Variants in SLC35D4 observed in about 807,000 individuals in gnomAD.
SLC35D4 encodes the protein UDP-N-acetylglucosamine transporter SLC35D4.
chr18:23,408,183 C>CA, the SLC35D4 span, among the ~76,000 whole-genome samples: 1 of 147,162 alleles, frequency 6.8e-6, no homozygotes, highest in African/African-American at 2.5e-5. Flanking sequence ...ACACACACCC[C>CA]TAACCTCTTA....
chr18:23,346,987 GTTT>G, the SLC35D4 span, among the ~76,000 whole-genome samples: 7 of 152,074 alleles, frequency 4.6e-5, no homozygotes, highest in African/African-American at 1.7e-4. Flanking sequence ...CTTATTATTT[GTTT>G]TATCTGGCTT....
At chr18:23,425,093 A>C in the SLC35D4 span, among the ~76,000 whole-genome samples, 1 of 152,090 alleles carries the variant, frequency 6.6e-6, no homozygotes. Flanking sequence ...TAGAAAAATG[A>C]CTTTATTATT....
the SLC35D4 span, among the ~76,000 whole-genome samples, chr18:23,415,883 A>T: frequency 6.6e-6 from 1 of 152,204 alleles, no homozygotes; most frequent in Non-Finnish European, 1.5e-5. Context: ...CAATACTGGC[A>T]GGCACAGGAG....
At chr18:23,261,486 G>A in the SLC35D4 span, among the ~76,000 whole-genome samples, 7 of 152,140 alleles carry the variant, frequency 4.6e-5, no homozygotes, top group Non-Finnish European at 8.8e-5. Flanking sequence ...AACTGGGCAT[G>A]GTGGTACACG....
At chr18:23,285,591 T>C in the SLC35D4 span, among the ~76,000 whole-genome samples, 1 of 152,170 alleles carries the variant, frequency 6.6e-6, no homozygotes, top group African/African-American at 2.4e-5. Flanking sequence ...CTGTTCCCAA[T>C]GCAACTTGTC....
chr18:23,252,175 A>G, the SLC35D4 span, among the ~76,000 whole-genome samples: 3 of 152,176 alleles, frequency 2.0e-5, no homozygotes, highest in African/African-American at 7.2e-5. Context: ...GCAAATTTAT[A>G]GAGACATAAA....
At chr18:23,282,202 G>A in the SLC35D4 span, among the ~76,000 whole-genome samples, 2 of 152,206 alleles carry the variant, frequency 1.3e-5, no homozygotes, top group African/African-American at 4.8e-5. Context: ...CTTTCACAGA[G>A]AGCAGGAAAT....
chr18:23,388,303 T>C, the SLC35D4 span, among the ~76,000 whole-genome samples: 98 of 152,320 alleles, frequency 6.4e-4, 1 homozygote, highest in African/African-American at 2.3e-3. Flanking sequence ...CCACCAACAA[T>C]GTGTTAAACA....
the SLC35D4 span, among the ~76,000 whole-genome samples, chr18:23,396,891 CA>C: frequency 1.3e-5 from 2 of 150,356 alleles, no homozygotes; most frequent in South Asian, 4.2e-4. Flanking sequence ...CTCAATTAAA[CA>C]GTGTGATTAG....
At chr18:23,409,328 T>C in the SLC35D4 span, among the ~76,000 whole-genome samples, 2 of 152,216 alleles carry the variant, frequency 1.3e-5, no homozygotes, top group African/African-American at 4.8e-5. Context: ...GGGATGCTAT[T>C]GTACATATTA....
At chr18:23,390,948 G>C in the SLC35D4 span, among the ~76,000 whole-genome samples, 1 of 152,050 alleles carries the variant, frequency 6.6e-6, no homozygotes, top group Non-Finnish European at 1.5e-5. Context: ...TTCCTAGGCC[G>C]GGTGCAGTGG....
At chr18:23,260,158 A>G in the SLC35D4 span, 1 of 152,230 alleles carries the variant, frequency 6.6e-6, no homozygotes. Context: ...AGCCCTTGCC[A>G]GCCCAATGAC....
the SLC35D4 span, among the ~76,000 whole-genome samples, chr18:23,240,391 A>G: frequency 6.6e-6 from 1 of 152,300 alleles, no homozygotes; most frequent in Admixed American, 6.5e-5. Context: ...AGAGCCCACA[A>G]ATGATGATGC....
chr18:23,306,410 G>A, the SLC35D4 span, among the ~76,000 whole-genome samples: 10 of 151,974 alleles, frequency 6.6e-5, no homozygotes, highest in Non-Finnish European at 2.9e-5. Context: ...GGGTTCAAGC[G>A]ATTCTCCTGC....
the SLC35D4 span, among the ~76,000 whole-genome samples, chr18:23,396,756 A>G: frequency 2.0e-5 from 3 of 152,166 alleles, no homozygotes; most frequent in Non-Finnish European, 2.9e-5. Flanking sequence ...CTCTAAAAAA[A>G]GGCTGTGCTC....
the SLC35D4 span, among the ~76,000 whole-genome samples, chr18:23,342,777 T>A: frequency 6.6e-6 from 1 of 152,258 alleles, no homozygotes; most frequent in African/African-American, 2.4e-5. Context: ...TGCGTGGTGA[T>A]ATCTCATCAT....
At chr18:23,350,064 T>C in the SLC35D4 span, among the ~76,000 whole-genome samples, 31 of 152,352 alleles carry the variant, frequency 2.0e-4, no homozygotes, top group Middle Eastern at 3.4e-3. Flanking sequence ...TCTGAATGTC[T>C]CTCATGTTTT....
chr18:23,276,222 G>A, the SLC35D4 span, among the ~76,000 whole-genome samples: 2 of 151,766 alleles, frequency 1.3e-5, no homozygotes, highest in Non-Finnish European at 2.9e-5. Context: ...CGAGTAGCTG[G>A]GACTACAGGC....
the SLC35D4 span, among the ~76,000 whole-genome samples, chr18:23,379,798 A>G: frequency 7.9e-5 from 12 of 152,114 alleles, no homozygotes; most frequent in Non-Finnish European, 1.6e-4. Context: ...ACTCCTCAAA[A>G]GTCATGCTGC....
Sources: allele counts gnomAD v4.1 joint callset (sites outside exome capture counted in the v4.1 genomes callset), GRCh38; gene constraint gnomAD v4.1.1; transcripts MANE v1.5; gene names NCBI Gene and HGNC (gene_info 2026-07-23, HGNC 2026-07-21).